Variants in RTTN observed in about 807,000 individuals in gnomAD.
The protein encoded by RTTN is rotatin.
Under a neutral mutation model 269.2 loss-of-function variants are expected in RTTN, and 182 were observed. That is an observed-to-expected ratio of 0.68 (90% CI 0.60 to 0.76). The LOEUF is 0.76. Among genes scored for constraint, RTTN ranks in the 30% least tolerant of loss-of-function variants. The pLI is 0.00. For missense variants in RTTN, 2,545 were observed against 2,608.6 expected (o/e 0.98, Z 0.53); for synonymous variants, 1,006 against 963.5 (o/e 1.04, Z -0.82).
chr18:70,055,318 TACACAC>T (rs143114816), intron 37 of RTTN, among the ~76,000 whole-genome samples: 1 of 149,912 alleles, frequency 6.7e-6, no homozygotes, highest in African/African-American at 2.4e-5. Context: ...CACACACACA[TACACAC>T]ACACACACAC....
intron 21 of RTTN, among the ~76,000 whole-genome samples, chr18:70,137,314 G>C (rs1220274099): frequency 6.6e-6 from 1 of 151,930 alleles, no homozygotes; most frequent in Admixed American, 6.6e-5. Flanking sequence ...TCACACAGAT[G>C]GTATAGTAAA....
At chr18:70,140,775 A>T (rs143481520) in intron 19 of RTTN, among the ~76,000 whole-genome samples, 2 of 152,128 alleles carry the variant, frequency 1.3e-5, no homozygotes, top group East Asian at 3.8e-4. Flanking sequence ...TTGTATATAC[A>T]TAAAAAAATC....
chr18:70,014,737 A>G (rs2056489249), intron 46 of RTTN, among the ~76,000 whole-genome samples: 1 of 151,900 alleles, frequency 6.6e-6, no homozygotes, highest in African/African-American at 2.4e-5. Context: ...TGACCCATCC[A>G]TCTATTAAGA....
chr18:70,040,827 G>T (rs1599230309), intron 40 of RTTN, among the ~76,000 whole-genome samples: 1 of 152,206 alleles, frequency 6.6e-6, no homozygotes, highest in East Asian at 1.9e-4. Flanking sequence ...GAGGAATTTT[G>T]GAAACTATAC....
intron 21 of RTTN, among the ~76,000 whole-genome samples, chr18:70,135,884 T>C (rs2060112533): frequency 6.6e-6 from 1 of 152,166 alleles, no homozygotes; most frequent in Admixed American, 6.6e-5. Context: ...CTGGTGAGAT[T>C]CTTTAACATT....
intron 28 of RTTN, among the ~76,000 whole-genome samples, chr18:70,106,133 C>T (rs574354277): frequency 6.6e-5 from 10 of 151,998 alleles, no homozygotes; most frequent in Non-Finnish European, 8.8e-5. Context: ...AGATCATTTG[C>T]GCCAAAGAAT....
intron 40 of RTTN, among the ~76,000 whole-genome samples, chr18:70,039,590 T>C (rs2057279934): frequency 1.3e-5 from 2 of 152,156 alleles, no homozygotes; most frequent in South Asian, 4.1e-4. Flanking sequence ...TAAAAGGATG[T>C]TCGTGAGCAA....
chr18:70,092,531 T>C (rs923187618), intron 29 of RTTN, 145 bp downstream of exon 29: 17 of 828,916 alleles, frequency 2.1e-5, no homozygotes, highest in Admixed American at 3.1e-5. Context: ...AGAAATATTC[T>C]AGTCAAAAAT....
chr18:70,104,497 C>G (rs1051267794), intron 28 of RTTN, among the ~76,000 whole-genome samples: 3 of 152,216 alleles, frequency 2.0e-5, no homozygotes, highest in Non-Finnish European at 4.4e-5. Context: ...TCTCTCAACT[C>G]GTCAAAGTCA....
chr18:70,073,015 G>T (rs2058337507), intron 34 of RTTN, among the ~76,000 whole-genome samples: 1 of 152,066 alleles, frequency 6.6e-6, no homozygotes, highest in Non-Finnish European at 1.5e-5. Context: ...AGTCTTTTGA[G>T]AAACTAGGAG....
At chr18:70,069,519 A>T (rs1319450177) in intron 34 of RTTN, among the ~76,000 whole-genome samples, 2 of 152,190 alleles carry the variant, frequency 1.3e-5, no homozygotes, top group African/African-American at 4.8e-5. Flanking sequence ...GAAATCACTG[A>T]AAATAGCAGA....
chr18:70,027,583 A>C (rs1045553503), intron 43 of RTTN, among the ~76,000 whole-genome samples: 1 of 152,168 alleles, frequency 6.6e-6, no homozygotes, highest in African/African-American at 2.4e-5. Flanking sequence ...ATTTCCCTGA[A>C]TAAGGTGTCA....
chr18:70,134,745 A>G (rs1210220092), intron 22 of RTTN, among the ~76,000 whole-genome samples: 3 of 152,192 alleles, frequency 2.0e-5, no homozygotes, highest in African/African-American at 7.2e-5. Context: ...AAAATTCCAC[A>G]TAACAAATGA....
chr18:70,069,634 C>T (rs111260107), intron 34 of RTTN, among the ~76,000 whole-genome samples: 119 of 152,318 alleles, frequency 7.8e-4, no homozygotes, highest in African/African-American at 2.5e-3. Flanking sequence ...ATCTGCCTTA[C>T]AGAAGCAAGT....
In RTTN at chr18:70,145,667, A is replaced by G. The variant is rs1265067541; in HGVS notation, c.2426T>C (p.Ile809Thr). 7.4e-6 allele frequency: 12 copies of G among 1,612,848 alleles called. No homozygotes were observed. Among genetic ancestry groups the G allele is most frequent in the East Asian group, 2.2e-5 (1 of 44,864 alleles). The change falls in exon 18 of 49, where the codon ATT becomes ACT. Residue 809 changes from isoleucine to threonine, a missense_variant. Ile to Thr is a moderately conservative substitution (Grantham distance 89). Transcript: ENST00000640769. ...TCTGAGTTCAATAGGTTTCTTCCCAATGAATAAATCAGTAACTCTGGAGAG... is the reference window on the plus strand; with the variant it reads ...TCTGAGTTCAATAGGTTTCTTCCCAGTGAATAAATCAGTAACTCTGGAGAG... ...RVLSRVTDLFIGKKPIELRLD... is the reference protein window; with the variant it reads ...RVLSRVTDLFTGKKPIELRLD...
chr18:70,126,325 C>T (rs1599675619), intron 25 of RTTN, among the ~76,000 whole-genome samples: 1 of 151,972 alleles, frequency 6.6e-6, no homozygotes, highest in Non-Finnish European at 1.5e-5. Flanking sequence ...GGACATATTA[C>T]ATTTATTTAA....
At chr18:70,015,029 G>A (rs1018606235) in intron 46 of RTTN, among the ~76,000 whole-genome samples, 11 of 150,966 alleles carry the variant, frequency 7.3e-5, no homozygotes, top group East Asian at 3.9e-4. Context: ...TGTTATTGTC[G>A]TTTTCAGAAG....
chr18:70,145,166 T>C (rs1162369786), intron 18 of RTTN, among the ~76,000 whole-genome samples: 1 of 152,206 alleles, frequency 6.6e-6, no homozygotes, highest in Non-Finnish European at 1.5e-5. Context: ...AGAATTTAAC[T>C]AATGTCTGAT....
In RTTN at chr18:70,024,725, T is replaced by C. The variant is rs781526181; in HGVS notation, c.5947A>G (p.Asn1983Asp). The C allele has an allele frequency of 5.0e-6, 8 of 1,613,098 alleles. No homozygotes were observed. Among genetic ancestry groups the C allele is most frequent in the South Asian group, 2.2e-5 (2 of 90,972 alleles). ...AGGCAGTATTGGATCCTATTACCAT[T>C]TGGAAAATTTGCAGTATAGACACAA... ...LLCVYTANFP[N>D]GCSSLCWSSC... Residue 1983 changes from asparagine (N) to aspartate (D), a missense_variant, in exon 44 of 49, where the codon AAT becomes GAT. By Grantham distance (23) the Asn-to-Asp change is conservative. Transcript: ENST00000640769.
Sources: gnomAD v4.1 joint callset for allele counts (sites outside exome capture counted in the v4.1 genomes callset) on GRCh38, gnomAD v4.1.1 for gene constraint, MANE v1.5 for transcripts, NCBI Gene and HGNC (gene_info 2026-07-23, HGNC 2026-07-21) for gene names.